The following PDZD2 variants were observed in gnomAD, a reference collection of about 807,000 sequenced individuals.
PDZD2 encodes the protein PDZ domain-containing protein 2.
A neutral mutation model predicts 220.7 loss-of-function variants in PDZD2; 90 were observed. That is an observed-to-expected ratio of 0.41 (90% CI 0.34 to 0.49). PDZD2 has a LOEUF of 0.49. PDZD2 is among the 20% of genes least tolerant of loss of function. PDZD2 has a pLI of 0.28. For synonymous variants in PDZD2, 1,375 were observed against 1,450.5 expected, an observed-to-expected ratio of 0.95 and a Z score of 1.18; for missense variants, 3,174 against 3,608.5, an observed-to-expected ratio of 0.88 and a Z score of 3.08.
At chr5:31,839,713 A>G (rs1480134320) in intron 2 of PDZD2, among the ~76,000 whole-genome samples, 1 of 151,686 alleles carries the variant, frequency 6.6e-6, no homozygotes, top group East Asian at 1.9e-4. Flanking sequence ...CCCAAATCTC[A>G]TCTTGAATTG....
At chr5:31,676,783 A>C (rs1463335828) in intron 1 of PDZD2, among the ~76,000 whole-genome samples, 5 of 152,006 alleles carry the variant, frequency 3.3e-5, no homozygotes, top group Non-Finnish European at 7.4e-5. Context: ...CCAGCTCCTG[A>C]TGTCAGGTGA....
chr5:32,100,655 C>A, intron 23 of PDZD2: 1 of 363,256 alleles, frequency 2.8e-6, no homozygotes, highest in South Asian at 2.1e-5. Context: ...TGAGACTGGG[C>A]ATTTTGGTGC....
chr5:32,102,664 T>C (rs190655899), intron 24 of PDZD2, among the ~76,000 whole-genome samples: 28 of 152,124 alleles, frequency 1.8e-4, no homozygotes, highest in Admixed American at 5.2e-4. Context: ...AGACGAAGGG[T>C]ACAGGGCAAC....
At chr5:32,072,373 G>A in intron 17 of PDZD2, 56 bp downstream of exon 17, 1 of 1,364,818 alleles carries the variant, frequency 7.3e-7, no homozygotes, top group African/African-American at 1.4e-5. Flanking sequence ...GCAGTGACTG[G>A]TTTCCACCTC....
Position 31,983,177 on chromosome 5 carries a change from A to C in PDZD2, c.499A>C (p.Asn167His). The C allele has an allele frequency of 6.2e-7, 1 of 1,613,908 alleles. No individual in the cohort carries two copies. The highest frequency in any genetic ancestry group is 8.5e-7 in the Non-Finnish European group (1 of 1,179,880). Reference protein sequence around the residue: ...GASYLAEQCWNGGFIYLIMLR... With the variant: ...GASYLAEQCWHGGFIYLIMLR... Reference sequence around the variant, plus strand: ...CAGTTACCTGGCTGAGCAGTGCTGGAATGGCGGCTTTATCTACCTGATCAT... The same window carrying C: ...CAGTTACCTGGCTGAGCAGTGCTGGCATGGCGGCTTTATCTACCTGATCAT... Residue 167 changes from asparagine to histidine, a missense_variant, in exon 3 of 25, where the codon AAT becomes CAT. Around this residue, in one of 4 missense-constraint regions of PDZD2, gnomAD observed 632 missense variants for 708.1 expected, o/e 0.89. Transcript: ENST00000438447.
At chr5:32,101,066 A>T in intron 23 of PDZD2, 39 bp from the exon 24 acceptor site, 1 of 1,613,138 alleles carries the variant, frequency 6.2e-7, no homozygotes, top group Non-Finnish European at 8.5e-7. Context: ...ATGATGAACA[A>T]CCCTGTCATT....
At chr5:31,753,716 G>GC (rs1417748558) in intron 1 of PDZD2, among the ~76,000 whole-genome samples, 1 of 152,192 alleles carries the variant, frequency 6.6e-6, no homozygotes, top group Non-Finnish European at 1.5e-5. Context: ...AAGTCTTTTT[G>GC]CGTGGACATC....
intron 2 of PDZD2, among the ~76,000 whole-genome samples, chr5:31,842,288 G>A (rs570318886): frequency 6.6e-6 from 1 of 152,294 alleles, no homozygotes; most frequent in East Asian, 1.9e-4. Flanking sequence ...TTACAGTTAT[G>A]TGCCAGTTCA....
intron 6 of PDZD2, among the ~76,000 whole-genome samples, chr5:32,035,611 C>T (rs1212107136): frequency 6.6e-6 from 1 of 151,918 alleles, no homozygotes; most frequent in Non-Finnish European, 1.5e-5. Flanking sequence ...GCTGGGACTA[C>T]AGGCACCCGC....
At chr5:32,062,709 A>C (rs899644337) in intron 14 of PDZD2, among the ~76,000 whole-genome samples, 2 of 152,106 alleles carry the variant, frequency 1.3e-5, no homozygotes, top group African/African-American at 2.4e-5. Context: ...TAAATTTTTA[A>C]ATTCATGCCA....
At chr5:31,809,124 T>G (rs1224898843) in intron 2 of PDZD2, among the ~76,000 whole-genome samples, 3 of 152,098 alleles carry the variant, frequency 2.0e-5, no homozygotes, top group Non-Finnish European at 4.4e-5. Context: ...TCAACAAGAG[T>G]GTAGCTTATA....
rs1242470604 is a variant in PDZD2 at position 32,110,095 on chromosome 5, T to C, written c.*1960T>C. ...TGGGGTCAGTTTTGTGGTTTCTGCT[T>C]TCTTGCCTAAATCAAAGACTATTTC... On this transcript the variant is annotated 3_prime_UTR_variant, in exon 25 of 25. Transcript: ENST00000438447. 6.6e-6 allele frequency: 1 copy of C among 152,666 alleles called. No individual in the cohort carries two copies. Among genetic ancestry groups the C allele is most frequent in the African/African-American group, 2.4e-5 (1 of 41,450 alleles). The allele number at this position is 152,666 out of a possible 1,614,324, so 9.5% of individuals were successfully genotyped here. A position where few individuals can be genotyped will look rare whatever the true frequency, so the allele number is the denominator to read the frequency against.
At position 32,087,403 on chromosome 5, in the gene PDZD2, AGGGT is replaced by A; in HGVS notation, c.3958_3961del (p.Val1320LeufsTer13). On this transcript the variant is annotated frameshift_variant, in exon 20 of 25. Transcript: ENST00000438447. LOFTEE classifies it high-confidence loss of function. The surrounding 1 kb of genome is among the most constrained non-coding windows in gnomAD (Gnocchi z 4.0). ...AACCAGCACACCCCACAATACCAGGAGGGTGGCTGCCCTCAGGGGAGCGGGACCT... is the reference window on the plus strand; with the variant it reads ...AACCAGCACACCCCACAATACCAGGAGGCTGCCCTCAGGGGAGCGGGACCT... 6.2e-7 allele frequency: 1 copy of A among 1,614,122 alleles called. No individual in the cohort carries two copies. The highest frequency in any genetic ancestry group is 1.1e-5 in the South Asian group (1 of 91,072).
chr5:32,110,721 G>GACTT lies in PDZD2; in HGVS notation c.*2588_*2591dup, dbSNP rs1429475640. 7 of 152,574 alleles carry GACTT rather than the reference G, an allele frequency of 4.6e-5. No homozygotes were observed. Among genetic ancestry groups the GACTT allele is most frequent in the African/African-American group, 1.7e-4 (7 of 41,420 alleles). 9.5% of individuals were successfully genotyped at this position (152,574 alleles called of 1,614,324 possible). ...ACACATCTCATTGAATTTGATGGTTGACTTAATTGGCACCATAACTTTGTA... is the reference window on the plus strand; with the variant it reads ...ACACATCTCATTGAATTTGATGGTTGACTTACTTAATTGGCACCATAACTTTGTA... On this transcript the variant is annotated 3_prime_UTR_variant, in exon 25 of 25. Coordinates refer to ENST00000438447, the MANE Select transcript of PDZD2 (RefSeq NM_178140.4).
At chr5:31,926,908 G>A (rs565907050) in intron 2 of PDZD2, among the ~76,000 whole-genome samples, 1 of 152,332 alleles carries the variant, frequency 6.6e-6, no homozygotes, top group South Asian at 2.1e-4. Context: ...ATGAAATCAT[G>A]TCTTTTGCAG....
intron 2 of PDZD2, chr5:31,909,249 A>G (rs972868785): frequency 6.5e-6 from 1 of 153,100 alleles, no homozygotes; most frequent in African/African-American, 2.4e-5. Context: ...CTTGTCATCC[A>G]CACAACAACA....
chr5:31,778,332 C>G (rs921510766), intron 1 of PDZD2, among the ~76,000 whole-genome samples: 2 of 151,726 alleles, frequency 1.3e-5, no homozygotes, highest in African/African-American at 4.8e-5. Context: ...GGTCCCCTTC[C>G]ACACTGTGGA....
At chr5:31,948,290 G>A (rs755947351) in intron 2 of PDZD2, among the ~76,000 whole-genome samples, 2 of 152,172 alleles carry the variant, frequency 1.3e-5, no homozygotes, top group Non-Finnish European at 2.9e-5. Context: ...TGTCTGCTCA[G>A]GGGCGAGGGC....
intron 2 of PDZD2, among the ~76,000 whole-genome samples, chr5:31,885,959 G>A (rs1721060621): frequency 6.6e-6 from 1 of 151,804 alleles, no homozygotes; most frequent in Admixed American, 6.6e-5. Context: ...TCTCCAGGCT[G>A]GAGTGCAGTG....
Sources: allele counts gnomAD v4.1 joint callset (sites outside exome capture counted in the v4.1 genomes callset), GRCh38; gene constraint gnomAD v4.1.1; regional missense constraint gnomAD v4.1.1; non-coding constraint Gnocchi (gnomAD v3.1); transcripts MANE v1.5; gene names NCBI Gene and HGNC (gene_info 2026-07-23, HGNC 2026-07-21).